The following CEP128 variants were observed in gnomAD, a reference collection of about 807,000 sequenced individuals.
The protein encoded by CEP128 is centrosomal protein 128, also known as centrosomal protein 128kDa.
CEP128 carries 132 observed loss-of-function variants against 156.7 expected under a neutral mutation model. That is an observed-to-expected ratio of 0.84 (90% CI 0.73 to 0.97). CEP128 has a LOEUF of 0.97. Ranked by LOEUF, CEP128 falls within the 50% of genes least tolerant of loss-of-function variation. The pLI is 0.00. For synonymous variants in CEP128, 469 were observed against 448.9 expected, an observed-to-expected ratio of 1.04 and a Z score of -0.57; for missense variants, 1,252 against 1,281.9, an observed-to-expected ratio of 0.98 and a Z score of 0.36.
chr14:80,731,262 T>C (rs958610306), intron 19 of CEP128, among the ~76,000 whole-genome samples: 2 of 152,022 alleles, frequency 1.3e-5, no homozygotes, highest in Non-Finnish European at 2.9e-5. Flanking sequence ...CAAAATCGAG[T>C]TTCACAAAGT....
At chr14:80,670,769 C>T (rs1895807951) in intron 19 of CEP128, among the ~76,000 whole-genome samples, 1 of 151,808 alleles carries the variant, frequency 6.6e-6, no homozygotes, top group South Asian at 2.1e-4. Flanking sequence ...AATTTACGTA[C>T]ATTTTAAATT....
intron 13 of CEP128, among the ~76,000 whole-genome samples, chr14:80,828,465 G>A (rs1446182259): frequency 6.6e-6 from 1 of 152,152 alleles, no homozygotes; most frequent in Non-Finnish European, 1.5e-5. Flanking sequence ...ATTACTTCAA[G>A]AGAGTGTGAG....
At chr14:80,607,424 T>C (rs997142409) in intron 19 of CEP128, among the ~76,000 whole-genome samples, 1 of 152,126 alleles carries the variant, frequency 6.6e-6, no homozygotes, top group Non-Finnish European at 1.5e-5. Flanking sequence ...GAAAGACCCC[T>C]TTTGGACACA....
intron 21 of CEP128, 27 bp from the exon 22 acceptor site, chr14:80,530,913 A>G (rs770023703): frequency 2.0e-6 from 3 of 1,476,050 alleles, no homozygotes; most frequent in African/African-American, 2.8e-5. Context: ...AAGGAAACCA[A>G]ACATTATAAA....
intron 8 of CEP128, among the ~76,000 whole-genome samples, chr14:80,870,167 C>T (rs1566682836): frequency 6.6e-6 from 1 of 151,962 alleles, no homozygotes; most frequent in Non-Finnish European, 1.5e-5. Flanking sequence ...ATCTACCAAA[C>T]ATGTAAAGAA....
intron 17 of CEP128, among the ~76,000 whole-genome samples, chr14:80,759,865 A>G (rs1200218277): frequency 6.6e-6 from 1 of 151,624 alleles, no homozygotes; most frequent in African/African-American, 2.4e-5. Flanking sequence ...TGCCCATAAC[A>G]AACTGTGTAT....
chr14:80,953,954 T>C (rs1886528307), intron 2 of CEP128, among the ~76,000 whole-genome samples: 1 of 152,116 alleles, frequency 6.6e-6, no homozygotes, highest in Non-Finnish European at 1.5e-5. Context: ...TCCATAACAA[T>C]ACCATGGTAA....
chr14:80,746,249 G>A (rs1899092475), intron 18 of CEP128, among the ~76,000 whole-genome samples: 1 of 152,082 alleles, frequency 6.6e-6, no homozygotes, highest in Non-Finnish European at 1.5e-5. Context: ...TTTCATATGG[G>A]AATTCAAGGC....
At chr14:80,819,130 A>C (rs1885023417) in intron 13 of CEP128, among the ~76,000 whole-genome samples, 1 of 151,810 alleles carries the variant, frequency 6.6e-6, no homozygotes, top group Non-Finnish European at 1.5e-5. Context: ...TCTGAATACT[A>C]TCTTGCATGG....
At chr14:80,568,165 T>C (rs1253884809) in intron 20 of CEP128, among the ~76,000 whole-genome samples, 1 of 152,178 alleles carries the variant, frequency 6.6e-6, no homozygotes, top group Non-Finnish European at 1.5e-5. Context: ...GTTGGTCTAA[T>C]GAGACTCCCT....
chr14:80,782,058 C>G (rs1901151173), intron 15 of CEP128, among the ~76,000 whole-genome samples: 1 of 152,170 alleles, frequency 6.6e-6, no homozygotes, highest in East Asian at 1.9e-4. Flanking sequence ...CAAATCATTA[C>G]ATGCTTGTCC....
chr14:80,898,493 A>G (rs746682478), intron 7 of CEP128, among the ~76,000 whole-genome samples: 2 of 152,188 alleles, frequency 1.3e-5, no homozygotes, highest in African/African-American at 2.4e-5. Flanking sequence ...CACAAAAACT[A>G]TTACCAGATA....
At chr14:80,842,274 A>T (rs1886382013) in intron 9 of CEP128, among the ~76,000 whole-genome samples, 1 of 152,052 alleles carries the variant, frequency 6.6e-6, no homozygotes, top group Non-Finnish European at 1.5e-5. Flanking sequence ...ATAAGAAGCA[A>T]TAGTGAGATA....
chr14:80,943,501 T>C (rs1187613726), upstream of CEP128, among the ~76,000 whole-genome samples: 1 of 152,222 alleles, frequency 6.6e-6, no homozygotes, highest in African/African-American at 2.4e-5. Context: ...TTGGATTCTA[T>C]TCTATAGGCC....
chr14:80,892,127 G>A (rs1270353758), intron 8 of CEP128, among the ~76,000 whole-genome samples: 1 of 150,572 alleles, frequency 6.6e-6, no homozygotes, highest in African/African-American at 2.4e-5. Context: ...GAAAAACAAA[G>A]TTGGAGGAAT....
At chr14:80,866,545 C>A (rs1887777450) in intron 8 of CEP128, among the ~76,000 whole-genome samples, 1 of 152,160 alleles carries the variant, frequency 6.6e-6, no homozygotes. Context: ...ACAAGGCCAG[C>A]TCCCAAAAAG....
Position 80,822,747 on chromosome 14 carries a change from C to A in CEP128, c.1209+8396G>T, listed in dbSNP as rs868737359. The A allele has an allele frequency of 2.2e-4, 179 of 797,690 alleles. No individual in the cohort carries two copies. The African/African-American group carries it at 2.7e-3, about 12-fold the overall frequency. 49.4% of individuals were successfully genotyped at this position (797,690 alleles called of 1,614,324 possible). A position where few individuals can be genotyped will look rare whatever the true frequency, so the allele number is the denominator to read the frequency against. Reference sequence around the variant, plus strand: ...AATAGCCCTGTAGAAAATGGAGATGCCAAAACAGACCAGGCACATAAAACT... The same window carrying A: ...AATAGCCCTGTAGAAAATGGAGATGACAAAACAGACCAGGCACATAAAACT... On this transcript the variant is annotated intron_variant, in intron 13 of 24. Transcript: ENST00000555265.
intron 2 of CEP128, among the ~76,000 whole-genome samples, chr14:80,933,947 C>A (rs970461380): frequency 6.6e-6 from 1 of 152,096 alleles, no homozygotes; most frequent in African/African-American, 2.4e-5. Flanking sequence ...CCTTAGATTG[C>A]AAAATATTTG....
chr14:80,762,373 T>C (rs1900016122), intron 16 of CEP128, among the ~76,000 whole-genome samples: 2 of 152,150 alleles, frequency 1.3e-5, no homozygotes, highest in Non-Finnish European at 2.9e-5. Flanking sequence ...ACCAAATCCA[T>C]GATGGCTAGC....
Sources: allele counts gnomAD v4.1 joint callset (sites outside exome capture counted in the v4.1 genomes callset), GRCh38; gene constraint gnomAD v4.1.1; transcripts MANE v1.5; gene names NCBI Gene and HGNC (gene_info 2026-07-23, HGNC 2026-07-21).